Variants in MKNK1 observed in about 807,000 individuals in gnomAD.
MKNK1 encodes MAP kinase-interacting serine/threonine-protein kinase 1.
In MKNK1, 30 loss-of-function variants were observed where a neutral mutation model predicts 49.3. The observed-to-expected ratio is 0.61, with a 90% CI of 0.46 to 0.83. The LOEUF (loss-of-function observed/expected upper bound fraction) is 0.83, where lower values mean the gene tolerates loss of function less well. MKNK1 is among the 40% of genes least tolerant of loss of function. The pLI is 0.00. For missense variants in MKNK1, 423 were observed against 524.7 expected (o/e 0.81, Z 1.89); for synonymous variants, 176 against 201.7 (o/e 0.87, Z 1.08).
Position 46,565,048 on chromosome 1 carries a change from G to T in MKNK1, c.602C>A (p.Thr201Asn), listed in dbSNP as rs748340962. 1 of 1,614,062 alleles carries T rather than the reference G, an allele frequency of 6.2e-7. No homozygotes were observed. The highest frequency in any genetic ancestry group is 8.5e-7 in the Non-Finnish European group (1 of 1,179,918). ...SCTPITTPELTTPCGSAEYMA... is the reference protein window; with the variant it reads ...SCTPITTPELNTPCGSAEYMA... ...CAGAGGAAGCATACGTACTGGGGTGGTCAGCTCTGGTGTGGTTATGGGGGT... is the reference window on the plus strand; with the variant it reads ...CAGAGGAAGCATACGTACTGGGGTGTTCAGCTCTGGTGTGGTTATGGGGGT... The change falls in exon 9 of 13, where the codon ACC becomes AAC. Residue 201 changes from threonine to asparagine, a missense_variant. By Grantham distance (65) the Thr-to-Asn change is moderately conservative. Transcript: ENST00000371945.
At chr1:46,563,979 A>AGGATG (rs1668513909) in intron 9 of MKNK1, among the ~76,000 whole-genome samples, 2 of 71,560 alleles carry the variant, frequency 2.8e-5, no homozygotes, top group African/African-American at 1.1e-4. Context: ...CAGGAGGCAG[A>AGGATG]GCTTGCAGTG....
chr1:46,569,701 C>T (rs1669753594), intron 7 of MKNK1: 1 of 152,274 alleles, frequency 6.6e-6, no homozygotes, highest in African/African-American at 2.4e-5. Context: ...GTAACTTCAT[C>T]AGTCACCTAA....
chr1:46,595,040 C>A, intron 1 of MKNK1: 1 of 174,000 alleles, frequency 5.7e-6, no homozygotes, highest in Non-Finnish European at 1.3e-5. Flanking sequence ...GTGGCCAAGT[C>A]CAAGTCTCAC....
At chr1:46,581,380 C>T (rs929262363) in intron 3 of MKNK1, among the ~76,000 whole-genome samples, 7 of 151,810 alleles carry the variant, frequency 4.6e-5, no homozygotes, top group East Asian at 1.9e-4. Context: ...TGTGGTGGCA[C>T]GCGCCTAAAG....
intron 1 of MKNK1, among the ~76,000 whole-genome samples, chr1:46,600,557 T>C (rs538907014): frequency 6.6e-6 from 1 of 152,372 alleles, no homozygotes; most frequent in South Asian, 2.1e-4. Context: ...CAATACACTC[T>C]GGACTCTTCT....
chr1:46,580,548 G>A lies in MKNK1; in HGVS notation c.180C>T (p.Gly60=). The change falls in exon 4 of 13, where the codon GGC becomes GGT. Residue 60 remains glycine (G), a synonymous_variant. Transcript: ENST00000371945. ...KVQGAVSLQN[G]KEYAVKIIEK... The stretch of plus-strand genomic sequence containing the variant: ...CACTCACTTTGACGGCATACTCTTT[G>A]CCATTCTGTAGGCTCACGGCACCTT... 6.2e-7 allele frequency: 1 copy of A among 1,613,618 alleles called. No homozygotes were observed. Among genetic ancestry groups the A allele is most frequent in the Non-Finnish European group, 8.5e-7 (1 of 1,179,516 alleles).
At position 46,563,918 on chromosome 1, in the gene MKNK1, G is replaced by A. The variant is rs546110871; in HGVS notation, c.610-1075C>T. ...AAATTAGCCAGGCGTGGTGGCGGGC[G>A]CCTGTAGTCCCAGCTACTCGGGAGG... is the stretch of plus-strand genomic sequence containing the variant. On this transcript the variant is annotated intron_variant, in intron 9 of 12. Coordinates refer to ENST00000371945, the MANE Select transcript of MKNK1 (RefSeq NM_001135553.4). 8.5e-3 allele frequency among the ~76,000 whole-genome samples: 839 copies of A among 98,294 alleles called. 9 individuals are homozygous for A. Among genetic ancestry groups the A allele is most frequent in the Middle Eastern group, 0.042 (8 of 190 alleles). 64.5% of individuals were successfully genotyped at this position (98,294 alleles called of 152,430 possible).
chr1:46,585,858 C>A (rs1403503663), intron 2 of MKNK1: 1 of 1,277,158 alleles, frequency 7.8e-7, no homozygotes, highest in Non-Finnish European at 1.1e-6. Flanking sequence ...TTCACACACA[C>A]ACAAAGACAG....
intron 1 of MKNK1, among the ~76,000 whole-genome samples, chr1:46,596,397 C>T (rs1013718168): frequency 6.6e-6 from 1 of 152,228 alleles, no homozygotes; most frequent in African/African-American, 2.4e-5. Flanking sequence ...TGCATCCACA[C>T]TAAAACAGGC....
chr1:46,568,563 A>G, intron 7 of MKNK1, 65 bp from the exon 8 acceptor site: 1 of 1,473,736 alleles, frequency 6.8e-7, no homozygotes, highest in East Asian at 2.3e-5. Context: ...TTCCACACAC[A>G]ATTAATTTTT....
intron 3 of MKNK1, among the ~76,000 whole-genome samples, chr1:46,581,339 G>A (rs543980833): frequency 2.6e-5 from 4 of 151,870 alleles, no homozygotes; most frequent in South Asian, 4.2e-4. Flanking sequence ...GGGAAACCCC[G>A]TCTCTACTAA....
rs1570136962 is a variant in MKNK1, at chr1:46,571,609, C to T, written c.457+454G>A. 1.1e-5 allele frequency: 4 copies of T among 374,460 alleles called. No individual in the cohort carries two copies. In the East Asian group the frequency reaches 3.1e-4, roughly 29 times the overall value. The allele number at this position is 374,460 out of a possible 1,614,324, so 23.2% of individuals were successfully genotyped here. A position where few individuals can be genotyped will look rare whatever the true frequency, so the allele number is the denominator to read the frequency against. ...ACTGTGAACAAGATATATTAAACTACATATATCCTATCATGCCAATTTTGA... is the reference window on the plus strand; with the variant it reads ...ACTGTGAACAAGATATATTAAACTATATATATCCTATCATGCCAATTTTGA... On this transcript the variant is annotated intron_variant, in intron 7 of 12. Transcript: ENST00000371945.
At chr1:46,572,969 C>T (rs147686908) in intron 6 of MKNK1, among the ~76,000 whole-genome samples, 2 of 152,288 alleles carry the variant, frequency 1.3e-5, no homozygotes, top group East Asian at 3.9e-4. Context: ...CTTTCCCATT[C>T]ATTATTGTTT....
At chr1:46,596,290 CTG>C (rs1674054430) in intron 1 of MKNK1, among the ~76,000 whole-genome samples, 1 of 152,188 alleles carries the variant, frequency 6.6e-6, no homozygotes, top group Non-Finnish European at 1.5e-5. Flanking sequence ...TTTTTGGACA[CTG>C]AAATTTAAAT....
chr1:46,568,489 T>A lies in MKNK1; in HGVS notation c.467A>T (p.His156Leu), dbSNP rs141525366. 6.2e-6 allele frequency: 10 copies of A among 1,613,988 alleles called. No individual in the cohort carries two copies. The African/African-American group carries it at 1.2e-4, about 19-fold the overall frequency. ...LDFLHTKGIA[H>L]RDLKPENILC... ...TATATTTTCTGGTTTCAGATCACGA[T>A]GAGCAATGCCTGACATGACAAAGAG... is the stretch of plus-strand genomic sequence containing the variant. The change falls in exon 8 of 13, where the codon CAT becomes CTT. Residue 156 changes from histidine (H) to leucine (L), a missense_variant. Coordinates refer to ENST00000371945, the MANE Select transcript of MKNK1 (RefSeq NM_001135553.4).
rs1667963113 is a variant in MKNK1, at chr1:46,561,470, T to C, written c.969+8A>G. 6.3e-7 allele frequency: 1 copy of C among 1,598,920 alleles called. No homozygotes were observed. Among genetic ancestry groups the C allele is most frequent in the Non-Finnish European group, 8.5e-7 (1 of 1,170,742 alleles). The stretch of plus-strand genomic sequence containing the variant: ...TGGTGGAAAACACCCCTCCCTGGAG[T>C]CACTCACCCCCTGCACCCATGGGTG... On this transcript the variant is annotated splice_region_variant and intron_variant, in intron 11 of 12. Coordinates refer to ENST00000371945, the MANE Select transcript of MKNK1 (RefSeq NM_001135553.4).
At chr1:46,588,573 C>T (rs753134695) in intron 2 of MKNK1, among the ~76,000 whole-genome samples, 2 of 151,904 alleles carry the variant, frequency 1.3e-5, no homozygotes, top group East Asian at 3.9e-4. Flanking sequence ...TTTGGGAGGC[C>T]GAGGCGGGCG....
chr1:46,562,555 C>A (rs1374044215), intron 10 of MKNK1, 94 bp downstream of exon 10: 77 of 1,388,442 alleles, frequency 5.5e-5, no homozygotes, highest in Non-Finnish European at 7.2e-5. Context: ...CCATCCCGAT[C>A]AGGAACGCTC....
At chr1:46,592,730 A>C (rs111999805) in intron 2 of MKNK1, among the ~76,000 whole-genome samples, 1 of 152,240 alleles carries the variant, frequency 6.6e-6, no homozygotes, top group Non-Finnish European at 1.5e-5. Context: ...AAATGACTGA[A>C]GAAGGTGGGG....
Sources: gnomAD v4.1 joint callset for allele counts (sites outside exome capture counted in the v4.1 genomes callset) on GRCh38, gnomAD v4.1.1 for gene constraint, MANE v1.5 for transcripts, NCBI Gene and HGNC (gene_info 2026-07-23, HGNC 2026-07-21) for gene names.